The following MGAM variants were observed in gnomAD, a reference collection of about 807,000 sequenced individuals.
MGAM encodes maltase-glucoamylase, also known as alpha-1,4-glucosidase.
Under a neutral mutation model 358.8 loss-of-function variants are expected in MGAM, and 253 were observed. The observed-to-expected ratio is 0.71, with a 90% CI of 0.64 to 0.78. The LOEUF is 0.78. Ranked by LOEUF, MGAM falls within the 30% of genes least tolerant of loss-of-function variation. The probability of loss-of-function intolerance (pLI) is 0.00; values close to 1 mark genes in which losing one functional copy is unlikely to be tolerated. For synonymous variants in MGAM, 1,105 were observed against 1,227.1 expected, an observed-to-expected ratio of 0.90 and a Z score of 2.08; for missense variants, 3,080 against 3,432.6, an observed-to-expected ratio of 0.90 and a Z score of 2.57.
rs1554465106 is a variant in MGAM at position 142,034,653 on chromosome 7, ATCTC to A, written c.1788-12_1788-9del. The A allele has an allele frequency of 1.9e-6, 3 of 1,609,754 alleles. No individual in the cohort carries two copies. In the South Asian group the frequency reaches 3.3e-5, roughly 18 times the overall value. ...CTAAGATCCCACATTGACTCCTTAAATCTCTCTCCCTTGCAGAGCTGCCAAGACT... is the reference window on the plus strand; with the variant it reads ...CTAAGATCCCACATTGACTCCTTAAATCTCCCTTGCAGAGCTGCCAAGACT... On this transcript the variant is annotated splice_polypyrimidine_tract_variant and intron_variant, in intron 15 of 70. Transcript: ENST00000475668.
chr7:142,051,355 T>C (rs943315927), intron 24 of MGAM, among the ~76,000 whole-genome samples: 1 of 151,998 alleles, frequency 6.6e-6, no homozygotes, highest in Non-Finnish European at 1.5e-5. Context: ...GTGAGCATTG[T>C]TGGGAGTGGG....
Position 142,026,626 on chromosome 7 carries a change from G to A in MGAM, c.983-489G>A, listed in dbSNP as rs570953286. 1.6e-3 allele frequency among the ~76,000 whole-genome samples: 237 copies of A among 152,286 alleles called. 2 individuals carry two copies. Among genetic ancestry groups the A allele is most frequent in the African/African-American group, 5.3e-3 (219 of 41,564 alleles). On this transcript the variant is annotated intron_variant, in intron 8 of 70. Transcript: ENST00000475668. ...GGAGAGTAGGTGGGAGGATGTGATAGTCTTGTAACACTGTTTATCTGGGAA... is the reference window on the plus strand; with the variant it reads ...GGAGAGTAGGTGGGAGGATGTGATAATCTTGTAACACTGTTTATCTGGGAA...
chr7:142,089,322 C>A (rs1815143314), intron 57 of MGAM, among the ~76,000 whole-genome samples: 1 of 146,518 alleles, frequency 6.8e-6, no homozygotes, highest in African/African-American at 2.4e-5. Flanking sequence ...GGCAGGGATG[C>A]CCATAGCTCT....
intron 6 of MGAM, 93 bp from the exon 7 acceptor site, chr7:142,022,175 G>T: frequency 8.5e-7 from 1 of 1,174,896 alleles, no homozygotes; most frequent in Non-Finnish European, 1.2e-6. Context: ...GGGGGCTATT[G>T]AGTCACTGAG....
chr7:142,081,934 A>G, intron 50 of MGAM, 108 bp from the exon 51 acceptor site: 1 of 1,170,306 alleles, frequency 8.5e-7, no homozygotes, highest in South Asian at 1.3e-5. Context: ...TGGGAGATGA[A>G]CAGCTTCTGG....
At chr7:142,057,789 G>A (rs1284800938) in intron 30 of MGAM, among the ~76,000 whole-genome samples, 9 of 152,092 alleles carry the variant, frequency 5.9e-5, no homozygotes, top group Admixed American at 5.9e-4. Flanking sequence ...ACTCATTCAT[G>A]CATCACAGAA....
intron 12 of MGAM, 59 bp from the exon 13 acceptor site, chr7:142,031,621 T>C: frequency 1.7e-6 from 2 of 1,187,412 alleles, no homozygotes; most frequent in South Asian, 2.7e-5. Flanking sequence ...CAAAGTACTT[T>C]CCTTTAGTCT....
At chr7:142,045,935 C>A (rs1450169954) in intron 21 of MGAM, among the ~76,000 whole-genome samples, 2 of 98,736 alleles carry the variant, frequency 2.0e-5, no homozygotes, top group African/African-American at 4.0e-5. Context: ...TGTATACATA[C>A]AATATGTAAT....
chr7:142,004,659 G>A (rs1317291805), intron 1 of MGAM, among the ~76,000 whole-genome samples: 3 of 151,902 alleles, frequency 2.0e-5, no homozygotes, highest in African/African-American at 7.3e-5. Context: ...TAACATAATT[G>A]CATTTGTACT....
rs1804939043 is a variant in MGAM, at chr7:142,003,861, C to T, written c.-2-1668C>T. On this transcript the variant is annotated intron_variant, in intron 1 of 70. Coordinates refer to ENST00000475668, the MANE Select transcript of MGAM (RefSeq NM_001365693.1). The stretch of plus-strand genomic sequence containing the variant: ...CAACAGGAAAAAAAACACATAACCC[C>T]ATTAAAAAGTGGGCAAAGGACATGA... Among the ~76,000 whole-genome samples the T allele has an allele frequency of 5.9e-5, 9 of 151,552 alleles. No homozygotes were observed. In the South Asian group the frequency reaches 1.9e-3, roughly 31 times the overall value.
In MGAM at chr7:142,008,566, G is replaced by A. The variant is rs781920229; in HGVS notation, c.188G>A (p.Gly63Glu). The A allele has an allele frequency of 1.6e-5, 26 of 1,612,564 alleles. No individual in the cohort carries two copies. The highest frequency in any genetic ancestry group is 2.5e-6 in the Non-Finnish European group (3 of 1,179,264). The stretch of plus-strand genomic sequence containing the variant: ...GGGACAACTGGTACCCCAGATCCTG[G>A]AACAACTGGTACCACACATGCTAGG... ...DPGTTGTPDP[G>E]TTGTTHARTT... is the part of the protein sequence containing the mutation. The change falls in exon 3 of 71, where the codon GGA becomes GAA. Residue 63 changes from glycine (G) to glutamate (E), a missense_variant. By Grantham distance (98) the Gly-to-Glu change is moderately conservative (BLOSUM62 -2). Transcript: ENST00000475668.
At chr7:142,102,510 A>G in intron 68 of MGAM, 120 bp from the exon 69 acceptor site, 1 of 926,310 alleles carries the variant, frequency 1.1e-6, no homozygotes, top group South Asian at 1.8e-5. Context: ...ATAAAAACAA[A>G]GATAAGCCTT....
chr7:142,022,398 A>G lies in MGAM; in HGVS notation c.841A>G (p.Lys281Glu), dbSNP rs782405255. 1 of 1,613,742 alleles carries G rather than the reference A, an allele frequency of 6.2e-7. No homozygotes were observed. Among genetic ancestry groups the G allele is most frequent in the Non-Finnish European group, 8.5e-7 (1 of 1,179,712 alleles). ...GCAGTATCGGCATGATATGAATTGG[A>G]AGACCTGGCCCATATTTAACAGAGA... ...HQQYRHDMNW[K>E]TWPIFNRDTT... The change falls in exon 7 of 71, where the codon AAG (lysine) becomes GAG (glutamate). Residue 281 changes from lysine to glutamate, a missense_variant. Coordinates refer to ENST00000475668, the MANE Select transcript of MGAM (RefSeq NM_001365693.1).
At position 142,100,187 on chromosome 7, in the gene MGAM, A is replaced by T. The variant is rs745310184; in HGVS notation, c.7874+450A>T. On this transcript the variant is annotated intron_variant, in intron 67 of 70. Coordinates refer to ENST00000475668, the MANE Select transcript of MGAM (RefSeq NM_001365693.1). Reference sequence around the variant, plus strand: ...GAGTGCTTGCCCTGTGCCTAGAACTATATGAATATGGGCATTTCCATGTGG... The same window carrying T: ...GAGTGCTTGCCCTGTGCCTAGAACTTTATGAATATGGGCATTTCCATGTGG... 8.9e-4 allele frequency among the ~76,000 whole-genome samples: 135 copies of T among 152,352 alleles called. 1 individual carries two copies. The highest frequency in any genetic ancestry group is 1.7e-3 in the Non-Finnish European group (115 of 68,032).
At chr7:141,995,542 C>G (rs1482051207), upstream of MGAM, among the ~76,000 whole-genome samples, 1 of 152,258 alleles carries the variant, frequency 6.6e-6, no homozygotes, top group East Asian at 1.9e-4. Flanking sequence ...GACCAGGGCT[C>G]TTTTGGAATA....
chr7:142,099,514 C>T (rs1816257434), intron 66 of MGAM, 99 bp from the exon 67 acceptor site: 2 of 1,573,538 alleles, frequency 1.3e-6, no homozygotes, highest in South Asian at 2.3e-5. Flanking sequence ...GATGAGCAGG[C>T]ATAAGTTCAG....
rs200751815 is a variant in MGAM at position 142,063,586 on chromosome 7, C to T, written c.4345C>T (p.His1449Tyr). 1.7e-5 allele frequency: 28 copies of T among 1,613,046 alleles called. No individual in the cohort carries two copies. In the African/African-American group the frequency reaches 2.1e-4, roughly 12 times the overall value. The change falls in exon 36 of 71, where the codon CAT (histidine) becomes TAT (tyrosine). Residue 1449 changes from histidine to tyrosine, a missense_variant and splice_region_variant. Transcript: ENST00000475668. ...TCTGAACCACCCTCCCTACATGCCA[C>T]GTAAGAAGCCTTGGCCTCCTTGACT... ...ASLNHPPYMPHLESRDRGLSS... is the reference protein window; with the variant it reads ...ASLNHPPYMPYLESRDRGLSS...
At chr7:142,082,799 A>G (rs183403115) in intron 52 of MGAM, among the ~76,000 whole-genome samples, 1 of 146,566 alleles carries the variant, frequency 6.8e-6, no homozygotes, top group Admixed American at 6.8e-5. Flanking sequence ...AAGAAGGGAT[A>G]GTAAAACCAC....
chr7:142,097,519 C>T (rs1816034984), intron 65 of MGAM, 74 bp from the exon 66 acceptor site: 1 of 1,441,364 alleles, frequency 6.9e-7, no homozygotes, highest in African/African-American at 1.4e-5. Context: ...TATTTAACCT[C>T]TTTCCTAAGT....
Sources: allele counts gnomAD v4.1 joint callset (sites outside exome capture counted in the v4.1 genomes callset), GRCh38; gene constraint gnomAD v4.1.1; transcripts MANE v1.5; gene names NCBI Gene and HGNC (gene_info 2026-07-23, HGNC 2026-07-21).